THSD7B: variants seen among roughly 807,000 people sequenced by gnomAD.
THSD7B encodes thrombospondin type-1 domain-containing protein 7B.
In THSD7B, 138 loss-of-function variants were observed where a neutral mutation model predicts 213.6. The ratio of observed to expected loss-of-function variants is 0.65; its 90% confidence interval spans 0.56 to 0.74. The LOEUF (loss-of-function observed/expected upper bound fraction) is 0.74. Ranked by LOEUF, THSD7B falls within the 30% of genes least tolerant of loss-of-function variation. THSD7B has a pLI of 0.00. For missense variants in THSD7B, 1,931 were observed against 1,991.5 expected (o/e 0.97, Z 0.58); for synonymous variants, 742 against 687.0 (o/e 1.08, Z -1.25).
At chr2:137,638,614 G>A (rs1223967369) in intron 20 of THSD7B, among the ~76,000 whole-genome samples, 1 of 152,330 alleles carries the variant, frequency 6.6e-6, no homozygotes, top group Non-Finnish European at 1.5e-5. Context: ...AACAGGCAGA[G>A]GGCTCAGAAG....
intron 1 of THSD7B, among the ~76,000 whole-genome samples, chr2:136,808,758 C>A (rs963519679): frequency 1.3e-5 from 2 of 152,212 alleles, no homozygotes; most frequent in African/African-American, 4.8e-5. Flanking sequence ...TTAAACTATT[C>A]TGTATCTTCT....
chr2:136,920,108 T>C (rs1341970931), intron 2 of THSD7B, among the ~76,000 whole-genome samples: 1 of 152,240 alleles, frequency 6.6e-6, no homozygotes, highest in African/African-American at 2.4e-5. Flanking sequence ...TGGGGGTGTG[T>C]TTCAGCCCTG....
intron 1 of THSD7B, among the ~76,000 whole-genome samples, chr2:136,766,499 T>C (rs1681396299): frequency 6.6e-6 from 1 of 152,168 alleles, no homozygotes; most frequent in South Asian, 2.1e-4. Flanking sequence ...ATTAAAGTTA[T>C]TTGAATAAGC....
chr2:137,387,890 T>C (rs973328248), intron 12 of THSD7B, among the ~76,000 whole-genome samples: 3 of 152,212 alleles, frequency 2.0e-5, no homozygotes, highest in African/African-American at 7.2e-5. Flanking sequence ...ACTATAATAT[T>C]GTGCTACTGT....
rs7584424 is a variant in THSD7B at position 136,963,817 on chromosome 2, G to A, written c.139+81500G>A. Among the ~76,000 whole-genome samples the A allele has an allele frequency of 6.4e-4, 98 of 152,076 alleles. No homozygotes were observed. In the East Asian group the frequency reaches 0.018, roughly 28 times the overall value. ...GTATTTGTGTGTTATGAACTGGATC[G>A]TCTTGAATGTTTTTGAGCAGTAAAT... On this transcript the variant is annotated intron_variant, in intron 2 of 27. Coordinates refer to ENST00000409968, the MANE Select transcript of THSD7B (RefSeq NM_001316349.2).
At chr2:137,041,047 A>C (rs932234299) in intron 2 of THSD7B, among the ~76,000 whole-genome samples, 1 of 152,242 alleles carries the variant, frequency 6.6e-6, no homozygotes, top group Non-Finnish European at 1.5e-5. Context: ...TATCTAGTCC[A>C]TGATTTAATT....
intron 15 of THSD7B, among the ~76,000 whole-genome samples, chr2:137,509,492 G>T (rs1459653715): frequency 6.6e-6 from 1 of 151,592 alleles, no homozygotes; most frequent in Non-Finnish European, 1.5e-5. Context: ...TCTTTGGATT[G>T]GGTATTGATC....
intron 10 of THSD7B, among the ~76,000 whole-genome samples, chr2:137,269,110 T>C (rs1349502877): frequency 6.6e-6 from 1 of 152,122 alleles, no homozygotes; most frequent in Non-Finnish European, 1.5e-5. Flanking sequence ...TCTGGTATTG[T>C]TTCCCTAGCT....
chr2:136,798,701 C>T (rs1682116156), intron 1 of THSD7B, among the ~76,000 whole-genome samples: 1 of 151,970 alleles, frequency 6.6e-6, no homozygotes. Context: ...AACATTTTTA[C>T]TCTCTTGCAA....
Position 137,095,053 on chromosome 2 carries a change from G to C in THSD7B, c.1131G>C (p.Lys377Asn). Reference protein sequence around the residue: ...NVKHMAIGGGKECPELLEKEA... With the variant: ...NVKHMAIGGGNECPELLEKEA... ...AGCACATGGCTATTGGAGGTGGAAA[G>C]GAGTGTCCTGAACTTCTTGAGAAAG... The change falls in exon 4 of 28, where the codon AAG becomes AAC. Residue 377 changes from lysine to asparagine, a missense_variant. Transcript: ENST00000409968. 1 of 1,613,864 alleles carries C rather than the reference G, an allele frequency of 6.2e-7. No homozygotes were observed. Among genetic ancestry groups the C allele is most frequent in the East Asian group, 2.2e-5 (1 of 44,874 alleles).
chr2:137,067,472 A>G (rs1363583260), intron 3 of THSD7B, among the ~76,000 whole-genome samples: 1 of 151,936 alleles, frequency 6.6e-6, no homozygotes, highest in Non-Finnish European at 1.5e-5. Context: ...CTTCTTTCTA[A>G]ATAAGGTCTG....
chr2:137,663,591 G>A lies in THSD7B; in HGVS notation c.4651+16G>A. The stretch of plus-strand genomic sequence containing the variant: ...CTTGATCCAGGTGAGTTTCAGTTGT[G>A]AGTAAGAAATGAAAATTTTCTCATG... On this transcript the variant is annotated intron_variant, in intron 26 of 27. Coordinates refer to ENST00000409968, the MANE Select transcript of THSD7B (RefSeq NM_001316349.2). 1 of 1,582,942 alleles carries A rather than the reference G, an allele frequency of 6.3e-7. No homozygotes were observed. The highest frequency in any genetic ancestry group is 8.6e-7 in the Non-Finnish European group (1 of 1,164,766).
intron 10 of THSD7B, among the ~76,000 whole-genome samples, chr2:137,266,608 T>C (rs577217813): frequency 1.1e-4 from 16 of 152,172 alleles, no homozygotes; most frequent in Admixed American, 2.0e-4. Context: ...GTAATAGGAA[T>C]ATTTGAGAAA....
chr2:137,663,698 G>A (rs1413445187), intron 26 of THSD7B, 123 bp downstream of exon 26: 2 of 866,338 alleles, frequency 2.3e-6, no homozygotes, highest in Non-Finnish European at 3.5e-6. Context: ...GAGGCAGTAA[G>A]GCATAATTCA....
chr2:137,322,851 G>A (rs1372265620), intron 12 of THSD7B, among the ~76,000 whole-genome samples: 2 of 152,102 alleles, frequency 1.3e-5, no homozygotes, highest in African/African-American at 4.8e-5. Context: ...TTTCCTGATA[G>A]GTACAGAAAC....
intron 3 of THSD7B, among the ~76,000 whole-genome samples, chr2:137,072,373 T>G (rs1022894713): frequency 6.6e-6 from 1 of 151,848 alleles, no homozygotes; most frequent in African/African-American, 2.4e-5. Context: ...GAAGCAGTTG[T>G]GAATGGGAGT....
chr2:137,638,699 G>T (rs1003968621), intron 20 of THSD7B, among the ~76,000 whole-genome samples: 1 of 152,196 alleles, frequency 6.6e-6, no homozygotes, highest in Non-Finnish European at 1.5e-5. Flanking sequence ...TGCTGATAGT[G>T]ATATGAACAA....
chr2:137,004,344 CACAA>C (rs1487634608), intron 2 of THSD7B, among the ~76,000 whole-genome samples: 5 of 134,916 alleles, frequency 3.7e-5, no homozygotes, highest in African/African-American at 8.4e-5. Flanking sequence ...CACACACACA[CACAA>C]ACTTATTCCA....
intron 2 of THSD7B, among the ~76,000 whole-genome samples, chr2:137,031,359 AATAC>A (rs560058740): frequency 1.8e-3 from 277 of 152,254 alleles, no homozygotes; most frequent in African/African-American, 6.5e-3. Flanking sequence ...TGGATGAATA[AATAC>A]ATAAATAAAT....
Sources: allele counts gnomAD v4.1 joint callset (sites outside exome capture counted in the v4.1 genomes callset), GRCh38; gene constraint gnomAD v4.1.1; transcripts MANE v1.5; gene names NCBI Gene and HGNC (gene_info 2026-07-23, HGNC 2026-07-21).